CEND1: variants seen among roughly 807,000 people sequenced by gnomAD.
CEND1 encodes the protein cell cycle exit and neuronal differentiation 1.
A neutral mutation model predicts 4.4 loss-of-function variants in CEND1; 1 was observed. The observed-to-expected ratio is 0.23, with a 90% CI of 0.08 to 1.09. The LOEUF (loss-of-function observed/expected upper bound fraction) is 1.09, where lower values mean the gene tolerates loss of function less well. Among genes scored for constraint, CEND1 ranks in the 50% least tolerant of loss-of-function variants. The pLI, the probability that CEND1 is intolerant of heterozygous loss-of-function variation, is 0.55. For synonymous variants in CEND1, 109 were observed against 93.0 expected, an observed-to-expected ratio of 1.17 and a Z score of -0.99; for missense variants, 213 against 201.2, an observed-to-expected ratio of 1.06 and a Z score of -0.35.
chr11:788,495 G>A lies in CEND1; in HGVS notation c.82C>T (p.Pro28Ser), dbSNP rs1294232009. 3.9e-6 allele frequency: 6 copies of A among 1,535,766 alleles called. No homozygotes were observed. In the African/African-American group the frequency reaches 8.3e-5, roughly 21 times the overall value. Reference sequence around the variant, plus strand: ...AAGGGGGCTTTCCCATCGGCTGCCGGGGGTACCTTGGCCTCGGTGGTGACC... The same window carrying A: ...AAGGGGGCTTTCCCATCGGCTGCCGAGGGTACCTTGGCCTCGGTGGTGACC... ...PQVTTEAKVPPAADGKAPLTK... is the reference protein window; with the variant it reads ...PQVTTEAKVPSAADGKAPLTK... The change falls in exon 2 of 2, where the codon CCG becomes TCG. Residue 28 changes from proline to serine, a missense_variant. By Grantham distance (74) the Pro-to-Ser change is moderately conservative. Transcript: ENST00000330106.
Position 788,325 on chromosome 11 carries a change from G to A in CEND1, c.252C>T (p.Val84=), listed in dbSNP as rs1352366466. The change falls in exon 2 of 2, where the codon GTC becomes GTT. Residue 84 remains valine (V), a synonymous_variant. Transcript: ENST00000330106. ...NHSNLKPAPT[V]PSSPDATPEP... ...CCGGGGTTGCATCGGGACTGCTGGG[G>A]ACCGTGGGGGCTGGCTTCAGGTTGC... 1.9e-6 allele frequency: 3 copies of A among 1,607,492 alleles called. No homozygotes were observed. Among genetic ancestry groups the A allele is most frequent in the East Asian group, 2.2e-5 (1 of 44,676 alleles).
intron 1 of CEND1, 41 bp downstream of exon 1, chr11:789,989 C>T (rs1864428271): frequency 1.7e-5 from 2 of 119,274 alleles, no homozygotes; most frequent in Non-Finnish European, 4.0e-5. Flanking sequence ...GACGCCGCGC[C>T]CGCCCCGCCC....
intron 1 of CEND1, among the ~76,000 whole-genome samples, chr11:788,860 C>T (rs1590113870): frequency 6.6e-6 from 1 of 152,170 alleles, no homozygotes; most frequent in African/African-American, 2.4e-5. Context: ...GCCCCTCCAG[C>T]CGCAGAGGCA....
At position 788,249 on chromosome 11, in the gene CEND1, C is replaced by A; in HGVS notation, c.328G>T (p.Gly110Trp). 1 of 1,611,446 alleles carries A rather than the reference C, an allele frequency of 6.2e-7. No individual in the cohort carries two copies. Residue 110 changes from glycine (G) to tryptophan (W), a missense_variant, in exon 2 of 2, where the codon GGG becomes TGG. Coordinates refer to ENST00000330106, the MANE Select transcript of CEND1 (RefSeq NM_016564.4). Reference sequence around the variant, plus strand: ...GACCAGGGACCTCGGCCCCCAGGCCCCCCACTGGCAGCCTCATCTTCCTCC... The same window carrying A: ...GACCAGGGACCTCGGCCCCCAGGCCACCCACTGGCAGCCTCATCTTCCTCC... ...GAEEDEAASG[G>W]PGGRGPWSCE...
chr11:788,034 GT>G lies in CEND1; in HGVS notation c.*92del. ...ATGTAGGTGTGTAATGAATGTGCGT[GT>G]GTACGAATAGGTAAGGGTGAACTCT... On this transcript the variant is annotated 3_prime_UTR_variant, in exon 2 of 2. Coordinates refer to ENST00000330106, the MANE Select transcript of CEND1 (RefSeq NM_016564.4). The G allele has an allele frequency of 1.0e-6, 1 of 994,068 alleles. No homozygotes were observed. Among genetic ancestry groups the G allele is most frequent in the East Asian group, 2.7e-5 (1 of 36,886 alleles). 61.6% of individuals were successfully genotyped at this position (994,068 alleles called of 1,614,324 possible). A position where few individuals can be genotyped will look rare whatever the true frequency, so the allele number is the denominator to read the frequency against.
At position 787,414 on chromosome 11, in the gene CEND1, C is replaced by G. The variant is rs934507856; in HGVS notation, c.*713G>C. The G allele has an allele frequency of 6.5e-6, 1 of 152,778 alleles. No individual in the cohort carries two copies. Among genetic ancestry groups the G allele is most frequent in the African/African-American group, 2.4e-5 (1 of 41,448 alleles). The allele number at this position is 152,778 out of a possible 1,614,324, so 9.5% of individuals were successfully genotyped here. On this transcript the variant is annotated 3_prime_UTR_variant, in exon 2 of 2. Coordinates refer to ENST00000330106, the MANE Select transcript of CEND1 (RefSeq NM_016564.4). ...AGACTCAGGTGGTGCTGGGTGCAAG[C>G]TGGAGGGGCAGTCTAGCGGGGCAGG...
Position 788,392 on chromosome 11 carries a change from T to G in CEND1, c.185A>C (p.Lys62Thr), listed in dbSNP as rs538479515. ...GGCAGGGTCGGCCTTGGCCGAGGTC[T>G]TCTTGGCAGGTGCCGTGGTGGGGGC... ...PAAPTTAPAK[K>T]TSAKADPALL... is the part of the protein sequence containing the mutation. The change falls in exon 2 of 2, where the codon AAG (lysine) becomes ACG (threonine). Residue 62 changes from lysine (K) to threonine (T), a missense_variant. By Grantham distance (78) the Lys-to-Thr change is moderately conservative (BLOSUM62 -1). Transcript: ENST00000330106. 1.4e-4 allele frequency: 216 copies of G among 1,594,038 alleles called. 2 individuals are homozygous for G. The South Asian group carries it at 2.0e-3, about 15-fold the overall frequency.
Position 788,510 on chromosome 11 carries a change from C to G in CEND1, c.67G>C (p.Glu23Gln). The G allele has an allele frequency of 1.3e-6, 2 of 1,528,214 alleles. No individual in the cohort carries two copies. The highest frequency in any genetic ancestry group is 1.8e-6 in the Non-Finnish European group (2 of 1,137,950). The allele number at this position is 1,528,214 out of a possible 1,614,324, so 94.7% of individuals were successfully genotyped here. A position where few individuals can be genotyped will look rare whatever the true frequency, so the allele number is the denominator to read the frequency against. The change falls in exon 2 of 2, where the codon GAG becomes CAG. Residue 23 changes from glutamate to glutamine, a missense_variant. Glu to Gln is a conservative substitution (Grantham distance 29). Coordinates refer to ENST00000330106, the MANE Select transcript of CEND1 (RefSeq NM_016564.4). ...PDTKVPQVTT[E>Q]AKVPPAADGK... The stretch of plus-strand genomic sequence containing the variant: ...TCGGCTGCCGGGGGTACCTTGGCCT[C>G]GGTGGTGACCTGGGGCACCTTGGTG...
Position 787,560 on chromosome 11 carries a change from G to A in CEND1, c.*567C>T, listed in dbSNP as rs1864370660. On this transcript the variant is annotated 3_prime_UTR_variant, in exon 2 of 2. Coordinates refer to ENST00000330106, the MANE Select transcript of CEND1 (RefSeq NM_016564.4). ...GCACCCCCTCCACACGCAGGCTTCA[G>A]GGCTCCGTCTTCCCACCCAGCTAGG... 1 of 152,324 alleles carries A rather than the reference G, an allele frequency of 6.6e-6. No homozygotes were observed. Among genetic ancestry groups the A allele is most frequent in the Admixed American group, 6.5e-5 (1 of 15,284 alleles). The allele number at this position is 152,324 out of a possible 1,614,324, so 9.4% of individuals were successfully genotyped here. A position where few individuals can be genotyped will look rare whatever the true frequency, so the allele number is the denominator to read the frequency against.
Position 788,328 on chromosome 11 carries a change from C to T in CEND1, c.249G>A (p.Thr83=), listed in dbSNP as rs1240009354. ...NNHSNLKPAP[T]VPSSPDATPE... Reference sequence around the variant, plus strand: ...GGGTTGCATCGGGACTGCTGGGGACCGTGGGGGCTGGCTTCAGGTTGCTGT... The same window carrying T: ...GGGTTGCATCGGGACTGCTGGGGACTGTGGGGGCTGGCTTCAGGTTGCTGT... Residue 83 remains threonine (T), a synonymous_variant, in exon 2 of 2, where the codon ACG becomes ACA. Coordinates refer to ENST00000330106, the MANE Select transcript of CEND1 (RefSeq NM_016564.4). 17 of 1,606,260 alleles carry T rather than the reference C, an allele frequency of 1.1e-5. No homozygotes were observed. The highest frequency in any genetic ancestry group is 6.7e-5 in the Admixed American group (4 of 59,322).
In CEND1 at chr11:787,402, G is replaced by T. The variant is rs1864366642; in HGVS notation, c.*725C>A. 1 of 152,800 alleles carries T rather than the reference G, an allele frequency of 6.5e-6. No homozygotes were observed. The highest frequency in any genetic ancestry group is 2.1e-4 in the South Asian group (1 of 4,848). The allele number at this position is 152,800 out of a possible 1,614,324, so 9.5% of individuals were successfully genotyped here. On this transcript the variant is annotated 3_prime_UTR_variant, in exon 2 of 2. Transcript: ENST00000330106. Reference sequence around the variant, plus strand: ...TATACGCTGGTTAGACTCAGGTGGTGCTGGGTGCAAGCTGGAGGGGCAGTC... The same window carrying T: ...TATACGCTGGTTAGACTCAGGTGGTTCTGGGTGCAAGCTGGAGGGGCAGTC...
In CEND1 at chr11:788,412, G is replaced by A. The variant is rs774291334; in HGVS notation, c.165C>T (p.Pro55=). 6 of 1,587,514 alleles carry A rather than the reference G, an allele frequency of 3.8e-6. No homozygotes were observed. In the African/African-American group the frequency reaches 5.4e-5, roughly 14 times the overall value. ...AGGTCTTCTTGGCAGGTGCCGTGGT[G>A]GGGGCTGCTGGCGGCTGCTGCTTCT... ...PAEKQQPPAA[P]TTAPAKKTSA... The change falls in exon 2 of 2, where the codon CCC becomes CCT. Residue 55 remains proline, a synonymous_variant. Transcript: ENST00000330106.
chr11:788,406 C>T lies in CEND1; in HGVS notation c.171G>A (p.Thr57=), dbSNP rs775737951. The change falls in exon 2 of 2, where the codon ACG becomes ACA. Residue 57 remains threonine, a synonymous_variant. Transcript: ENST00000330106. ...EKQQPPAAPT[T]APAKKTSAKA... ...TGGCCGAGGTCTTCTTGGCAGGTGC[C>T]GTGGTGGGGGCTGCTGGCGGCTGCT... The T allele has an allele frequency of 8.2e-6, 13 of 1,590,400 alleles. No individual in the cohort carries two copies. Among genetic ancestry groups the T allele is most frequent in the East Asian group, 6.8e-5 (3 of 44,422 alleles).
chr11:787,619 T>C lies in CEND1; in HGVS notation c.*508A>G, dbSNP rs1180057335. ...GTGTGGGGAGGTGGCATTGAGGCTC[T>C]GCTGAGGTGAGTGCCCACCCCAGGT... On this transcript the variant is annotated 3_prime_UTR_variant, in exon 2 of 2. Transcript: ENST00000330106. 1 of 152,374 alleles carries C rather than the reference T, an allele frequency of 6.6e-6. No individual in the cohort carries two copies. Among genetic ancestry groups the C allele is most frequent in the Non-Finnish European group, 1.5e-5 (1 of 68,140 alleles). 9.4% of individuals were successfully genotyped at this position (152,374 alleles called of 1,614,324 possible).
In CEND1 at chr11:788,278, C is replaced by T; in HGVS notation, c.299G>A (p.Gly100Glu). ...ATPEPKGPGD[G>E]AEEDEAASGG... ...ACTGGCAGCCTCATCTTCCTCCGCC[C>T]CGTCCCCAGGACCCTTGGGCTCCGG... The change falls in exon 2 of 2, where the codon GGG (glycine) becomes GAG (glutamate). Residue 100 changes from glycine to glutamate, a missense_variant. Physicochemically the swap from Gly to Glu is moderately conservative, Grantham distance 98. Coordinates refer to ENST00000330106, the MANE Select transcript of CEND1 (RefSeq NM_016564.4). 1 of 1,613,068 alleles carries T rather than the reference C, an allele frequency of 6.2e-7. No homozygotes were observed. The highest frequency in any genetic ancestry group is 8.5e-7 in the Non-Finnish European group (1 of 1,179,544).
Position 788,624 on chromosome 11 carries a change from C to T in CEND1, c.-48G>A. The T allele has an allele frequency of 2.0e-6, 3 of 1,473,770 alleles. No homozygotes were observed. The highest frequency in any genetic ancestry group is 5.2e-4 in the Middle Eastern group (2 of 3,874). The allele number at this position is 1,473,770 out of a possible 1,614,324, so 91.3% of individuals were successfully genotyped here. A position where few individuals can be genotyped will look rare whatever the true frequency, so the allele number is the denominator to read the frequency against. Reference sequence around the variant, plus strand: ...GGCAGGTGGCTGCACCAGAGGGGCTCAGGACAGTTTGTCGCCCCTGGGCAT... The same window carrying T: ...GGCAGGTGGCTGCACCAGAGGGGCTTAGGACAGTTTGTCGCCCCTGGGCAT... On this transcript the variant is annotated 5_prime_UTR_variant, in exon 2 of 2. It removes the in-frame stop codon of an upstream open reading frame in the 5' UTR. Coordinates refer to ENST00000330106, the MANE Select transcript of CEND1 (RefSeq NM_016564.4).
At chr11:789,788 CGGG>C (rs886600849) in intron 1 of CEND1, among the ~76,000 whole-genome samples, 1 of 152,190 alleles carries the variant, frequency 6.6e-6, no homozygotes, top group Non-Finnish European at 1.5e-5. Flanking sequence ...CTGCAGTTCT[CGGG>C]GGGCTCAGCT....
chr11:789,035 G>A (rs570641902), intron 1 of CEND1, among the ~76,000 whole-genome samples: 7 of 152,358 alleles, frequency 4.6e-5, no homozygotes, highest in African/African-American at 1.4e-4. Flanking sequence ...CCTCCAAGGA[G>A]GTGATCGGAG....
In CEND1 at chr11:788,240, C is replaced by A. The variant is rs948176888; in HGVS notation, c.337G>T (p.Gly113Cys). ...EDEAASGGPG[G>C]RGPWSCENFN... ...TTCTCACAGGACCAGGGACCTCGGC[C>A]CCCAGGCCCCCCACTGGCAGCCTCA... Residue 113 changes from glycine (G) to cysteine (C), a missense_variant, in exon 2 of 2, where the codon GGC (glycine) becomes TGC (cysteine). Gly to Cys is a radical substitution (Grantham distance 159). Transcript: ENST00000330106. 2 of 1,610,628 alleles carry A rather than the reference C, an allele frequency of 1.2e-6. No homozygotes were observed. Among genetic ancestry groups the A allele is most frequent in the African/African-American group, 2.7e-5 (2 of 74,988 alleles).
Sources: allele counts gnomAD v4.1 joint callset (sites outside exome capture counted in the v4.1 genomes callset), GRCh38; gene constraint gnomAD v4.1.1; transcripts MANE v1.5; gene names NCBI Gene and HGNC (gene_info 2026-07-23, HGNC 2026-07-21).